The following LTBP1 variants were observed in gnomAD, a reference collection of about 807,000 sequenced individuals.
LTBP1 encodes latent transforming growth factor beta binding protein 1.
A neutral mutation model predicts 207.6 loss-of-function variants in LTBP1; 129 were observed. That is an observed-to-expected ratio of 0.62 (90% CI 0.54 to 0.72). The LOEUF (loss-of-function observed/expected upper bound fraction) is 0.72, where lower values mean the gene tolerates loss of function less well. Ranked by LOEUF, LTBP1 falls within the 30% of genes least tolerant of loss-of-function variation. The pLI, the probability that LTBP1 is intolerant of heterozygous loss-of-function variation, is 0.00. For missense variants in LTBP1, 2,281 were observed against 2,217.2 expected, an observed-to-expected ratio of 1.03 and a Z score of -0.58; for synonymous variants, 963 against 833.7, an observed-to-expected ratio of 1.16 and a Z score of -2.67.
At chr2:33,315,726 A>G (rs140664307) in intron 24 of LTBP1, among the ~76,000 whole-genome samples, 1 of 152,308 alleles carries the variant, frequency 6.6e-6, no homozygotes, top group East Asian at 1.9e-4. Flanking sequence ...ACTTGAGATC[A>G]GGAGTTGAAG....
intron 3 of LTBP1, among the ~76,000 whole-genome samples, chr2:33,081,362 T>C (rs1251777839): frequency 1.3e-5 from 2 of 152,088 alleles, no homozygotes; most frequent in African/African-American, 4.8e-5. Context: ...TATACACAGA[T>C]ATACATATAC....
chr2:33,260,075 T>C (rs1328293603), intron 13 of LTBP1, among the ~76,000 whole-genome samples: 1 of 152,212 alleles, frequency 6.6e-6, no homozygotes, highest in Non-Finnish European at 1.5e-5. Flanking sequence ...GAACAGAACT[T>C]ACACTTAAAA....
chr2:33,117,344 G>A (rs535410985), intron 4 of LTBP1, among the ~76,000 whole-genome samples: 4 of 152,268 alleles, frequency 2.6e-5, no homozygotes, highest in African/African-American at 9.6e-5. Context: ...GAGAAGCACG[G>A]CAAGTCACGG....
Position 33,226,395 on chromosome 2 carries a change from T to C in LTBP1, c.1876+4244T>C, listed in dbSNP as rs554801600. Among the ~76,000 whole-genome samples the C allele has an allele frequency of 2.6e-5, 4 of 152,324 alleles. No homozygotes were observed. The East Asian group carries it at 7.7e-4, about 29-fold the overall frequency. ...GTTGGGGCCTAGCCTGAGAGGGTTT[T>C]TGGCTCTGCTCAGGAAAGAATTCAA... On this transcript the variant is annotated intron_variant, in intron 9 of 33. Transcript: ENST00000404816.
intron 2 of LTBP1, among the ~76,000 whole-genome samples, chr2:32,965,371 C>G (rs1679793414): frequency 6.6e-6 from 1 of 152,158 alleles, no homozygotes; most frequent in Admixed American, 6.5e-5. Context: ...AGGGTTCACT[C>G]TTGGTGTTGT....
At chr2:32,981,437 C>T (rs1174995188) in intron 2 of LTBP1, among the ~76,000 whole-genome samples, 1 of 152,120 alleles carries the variant, frequency 6.6e-6, no homozygotes, top group Non-Finnish European at 1.5e-5. Flanking sequence ...GCTTTGTGAT[C>T]TCACTTTTGC....
chr2:33,031,575 G>A (rs1280785682), intron 3 of LTBP1, among the ~76,000 whole-genome samples: 1 of 152,202 alleles, frequency 6.6e-6, no homozygotes, highest in Non-Finnish European at 1.5e-5. Flanking sequence ...TGGCGAGTAA[G>A]GAAGGGGGAG....
intron 10 of LTBP1, among the ~76,000 whole-genome samples, chr2:33,244,079 G>A (rs752636371): frequency 1.2e-4 from 18 of 152,244 alleles, no homozygotes; most frequent in Non-Finnish European, 2.6e-4. Flanking sequence ...GAATTAAAAT[G>A]GACATATCAA....
chr2:33,108,218 T>A (rs2080176283), intron 3 of LTBP1, among the ~76,000 whole-genome samples: 1 of 151,206 alleles, frequency 6.6e-6, no homozygotes, highest in Non-Finnish European at 1.5e-5. Flanking sequence ...CTTGCTTCTG[T>A]CTCTGGGGGG....
chr2:33,046,386 C>T (rs1480865977), intron 3 of LTBP1, among the ~76,000 whole-genome samples: 1 of 152,068 alleles, frequency 6.6e-6, no homozygotes, highest in East Asian at 1.9e-4. Flanking sequence ...TGGTTTTTGT[C>T]GTTGGTTCTG....
chr2:33,279,767 A>G (rs1031814482), intron 18 of LTBP1, among the ~76,000 whole-genome samples: 1 of 152,010 alleles, frequency 6.6e-6, no homozygotes, highest in African/African-American at 2.4e-5. Context: ...GGAGCTGCCA[A>G]CTCCCAGAGT....
chr2:32,979,601 C>T (rs558983518), intron 2 of LTBP1, among the ~76,000 whole-genome samples: 13 of 152,068 alleles, frequency 8.5e-5, no homozygotes, highest in South Asian at 4.1e-4. Flanking sequence ...GCATAAGATA[C>T]GGTTCATCCT....
intron 25 of LTBP1, among the ~76,000 whole-genome samples, chr2:33,345,748 AT>A (rs59313001): frequency 0.041 from 6,121 of 148,812 alleles, 243 homozygotes; most frequent in East Asian, 0.19. Context: ...TGAAAGGACG[AT>A]TTTTTTTTTT....
At chr2:33,146,389 A>G (rs147804655) in intron 5 of LTBP1, among the ~76,000 whole-genome samples, 43 of 152,328 alleles carry the variant, frequency 2.8e-4, no homozygotes, top group African/African-American at 8.9e-4. Context: ...TGAGAAGTCA[A>G]TGTTGAGTCA....
chr2:32,977,940 G>T (rs760430762), intron 2 of LTBP1, among the ~76,000 whole-genome samples: 1 of 151,946 alleles, frequency 6.6e-6, no homozygotes, highest in Non-Finnish European at 1.5e-5. Context: ...TCACTGCTTG[G>T]GTTAATTCCT....
chr2:33,001,555 T>C lies in LTBP1; in HGVS notation c.566-19354T>C, dbSNP rs573657409. 1.9e-4 allele frequency among the ~76,000 whole-genome samples: 25 copies of C among 134,870 alleles called. 6 individuals are homozygous for C. Among genetic ancestry groups the C allele is most frequent in the Admixed American group, 1.8e-3 (23 of 13,108 alleles). The allele number at this position is 134,870 out of a possible 152,430, so 88.5% of individuals were successfully genotyped here. A position where few individuals can be genotyped will look rare whatever the true frequency, so the allele number is the denominator to read the frequency against. ...AGTAGTTCCTCCTTTGGTGTTAAAA[T>C]ATATGAGGAGAAGAAGTGCTGGAAT... On this transcript the variant is annotated intron_variant, in intron 2 of 33. Coordinates refer to ENST00000404816, the MANE Select transcript of LTBP1 (RefSeq NM_206943.4).
chr2:33,250,361 T>C (rs926852536), intron 10 of LTBP1, among the ~76,000 whole-genome samples: 4 of 152,172 alleles, frequency 2.6e-5, no homozygotes, highest in Non-Finnish European at 5.9e-5. Context: ...ACTAGAGGCA[T>C]CTGGTGCTCA....
chr2:33,095,053 A>C (rs78741682), intron 3 of LTBP1, among the ~76,000 whole-genome samples: 1,835 of 152,336 alleles, frequency 0.012, 37 homozygotes, highest in Middle Eastern at 0.037. Flanking sequence ...CTAATTACTT[A>C]AAAATGAACA....
At position 33,156,604 on chromosome 2, in the gene LTBP1, A is replaced by C. The variant is rs111389118; in HGVS notation, c.1201+21644A>C. 2.6e-5 allele frequency among the ~76,000 whole-genome samples: 4 copies of C among 152,344 alleles called. 1 individual carries two copies. Among genetic ancestry groups the C allele is most frequent in the African/African-American group, 9.6e-5 (4 of 41,578 alleles). On this transcript the variant is annotated intron_variant, in intron 5 of 33. Transcript: ENST00000404816. ...TTGTGATCTGCAGAATAATGTCCAT[A>C]TATAAGTATTATTATTGTTACTGTT...
Sources: allele counts gnomAD v4.1 joint callset (sites outside exome capture counted in the v4.1 genomes callset), GRCh38; gene constraint gnomAD v4.1.1; transcripts MANE v1.5; gene names NCBI Gene and HGNC (gene_info 2026-07-23, HGNC 2026-07-21).